Variants in FDFT1 observed in about 807,000 individuals in gnomAD.
FDFT1 encodes the protein squalene synthase.
A neutral mutation model predicts 46.8 loss-of-function variants in FDFT1; 68 were observed. The ratio of observed to expected loss-of-function variants is 1.45; its 90% confidence interval spans 1.19 to 1.78. FDFT1 has a LOEUF of 1.78. Ranked by LOEUF, FDFT1 falls within the 40% of genes most tolerant of loss-of-function variation. The probability of loss-of-function intolerance (pLI) is 0.00; values close to 1 mark genes in which losing one functional copy is unlikely to be tolerated. For synonymous variants in FDFT1, 351 were observed against 185.1 expected (o/e 1.90, Z -7.28); for missense variants, 928 against 524.4 (o/e 1.77, Z -7.52).
At chr8:11,833,373 A>G (rs867974964) in intron 7 of FDFT1, among the ~76,000 whole-genome samples, 18 of 152,222 alleles carry the variant, frequency 1.2e-4, no homozygotes, top group African/African-American at 4.1e-4. Context: ...AAGGGGTTCA[A>G]CTACCCTTTC....
chr8:11,817,504 TTTGG>T (rs1402173074), intron 3 of FDFT1, among the ~76,000 whole-genome samples: 1 of 152,208 alleles, frequency 6.6e-6, no homozygotes, highest in Non-Finnish European at 1.5e-5. Flanking sequence ...CTGGACTTTC[TTTGG>T]TTGGTAGGCT....
At chr8:11,830,807 G>C (rs1446894060) in intron 6 of FDFT1, among the ~76,000 whole-genome samples, 1 of 152,106 alleles carries the variant, frequency 6.6e-6, no homozygotes. Context: ...CCTTTTCCTA[G>C]ACCCGGCATA....
chr8:11,814,206 CAAG>C (rs1367037575), intron 3 of FDFT1, among the ~76,000 whole-genome samples: 1 of 151,294 alleles, frequency 6.6e-6, no homozygotes, highest in East Asian at 1.9e-4. Context: ...GTTTCAGCCA[CAAG>C]AAGGAATTAC....
At chr8:11,812,415 C>G (rs186801178) in intron 3 of FDFT1, among the ~76,000 whole-genome samples, 1 of 152,170 alleles carries the variant, frequency 6.6e-6, no homozygotes, top group Non-Finnish European at 1.5e-5. Context: ...CTGGGATATC[C>G]TCTCAAATGA....
intron 7 of FDFT1, among the ~76,000 whole-genome samples, chr8:11,834,581 C>A (rs1022284099): frequency 1.3e-5 from 2 of 151,474 alleles, no homozygotes; most frequent in East Asian, 2.1e-4. Context: ...AGACATCCAG[C>A]CCCCACCCAA....
rs543359319 is a variant in FDFT1 at position 11,824,385 on chromosome 8, C to G, written c.511-1639C>G. On this transcript the variant is annotated intron_variant, in intron 4 of 7. Coordinates refer to ENST00000220584, the MANE Select transcript of FDFT1 (RefSeq NM_004462.5). ...ATCTCTGTTGAGAGAGGGGAAGTTA[C>G]GTTGTCTCTAAAAGAAAAACTAAAA... 2.5e-4 allele frequency among the ~76,000 whole-genome samples: 38 copies of G among 152,244 alleles called. 1 individual carries two copies. The South Asian group carries it at 7.7e-3, about 31-fold the overall frequency.
intron 1 of FDFT1, chr8:11,796,019 AT>A (rs1351468504): frequency 6.6e-6 from 1 of 152,210 alleles, no homozygotes; most frequent in Non-Finnish European, 1.5e-5. Flanking sequence ...AAGGTGAAAG[AT>A]TGGTTTAGTT....
At chr8:11,825,059 T>C (rs1244488561) in intron 4 of FDFT1, among the ~76,000 whole-genome samples, 1 of 152,144 alleles carries the variant, frequency 6.6e-6, no homozygotes, top group African/African-American at 2.4e-5. Context: ...CTTAAAACCG[T>C]GTCAAGAACA....
chr8:11,808,332 A>G, intron 1 of FDFT1: 1 of 1,232,056 alleles, frequency 8.1e-7, no homozygotes, highest in Non-Finnish European at 1.0e-6. Context: ...GAAGGGCAAC[A>G]GCGGGAGGAG....
chr8:11,809,931 T>G (rs993816911), intron 3 of FDFT1, 81 bp downstream of exon 3: 2 of 1,083,584 alleles, frequency 1.8e-6, no homozygotes, highest in African/African-American at 3.2e-5. Flanking sequence ...TCCATACATG[T>G]GGAGAAAGGT....
At chr8:11,828,668 T>G (rs1810347970) in intron 5 of FDFT1, among the ~76,000 whole-genome samples, 1 of 152,254 alleles carries the variant, frequency 6.6e-6, no homozygotes, top group African/African-American at 2.4e-5. Flanking sequence ...GCATCATTTC[T>G]ACCACACGGT....
At chr8:11,828,689 A>G (rs1304941239) in intron 5 of FDFT1, among the ~76,000 whole-genome samples, 1 of 152,256 alleles carries the variant, frequency 6.6e-6, no homozygotes, top group Non-Finnish European at 1.5e-5. Context: ...GGTGGTGTGA[A>G]TAAAATGAGA....
rs556745409 is a variant in FDFT1, at chr8:11,837,450, T to G, written c.1033-938T>G. Among the ~76,000 whole-genome samples, 7 of 152,282 alleles carry G rather than the reference T, an allele frequency of 4.6e-5. No homozygotes were observed. In the East Asian group the frequency reaches 1.4e-3, roughly 29 times the overall value. On this transcript the variant is annotated intron_variant, in intron 7 of 7. Coordinates refer to ENST00000220584, the MANE Select transcript of FDFT1 (RefSeq NM_004462.5). ...TTTTACTGTGTTGTCCAGGCTGGTC[T>G]TAAACGCCTGAGCTTAAGCAGTCTA... is the stretch of plus-strand genomic sequence containing the variant.
intron 1 of FDFT1, among the ~76,000 whole-genome samples, chr8:11,807,549 G>A (rs1807023555): frequency 1.3e-5 from 2 of 151,726 alleles, no homozygotes; most frequent in South Asian, 2.1e-4. Flanking sequence ...ATAGGAACCC[G>A]CCGTATTTTC....
chr8:11,833,199 G>T (rs1384903062), intron 7 of FDFT1, among the ~76,000 whole-genome samples: 1 of 152,132 alleles, frequency 6.6e-6, no homozygotes, highest in Non-Finnish European at 1.5e-5. Flanking sequence ...TCTCCATTTT[G>T]CCATGTAGCC....
chr8:11,833,383 C>G (rs1811123646), intron 7 of FDFT1, among the ~76,000 whole-genome samples: 1 of 152,202 alleles, frequency 6.6e-6, no homozygotes, highest in Non-Finnish European at 1.5e-5. Flanking sequence ...ACTACCCTTT[C>G]TAAATGGAAT....
At chr8:11,817,083 CTG>C (rs908596945) in intron 3 of FDFT1, among the ~76,000 whole-genome samples, 84 of 152,198 alleles carry the variant, frequency 5.5e-4, no homozygotes, top group African/African-American at 1.9e-3. Flanking sequence ...GCATGAAAGA[CTG>C]TTGAATTTTG....
At chr8:11,802,696 G>T (rs983272006), upstream of FDFT1, 4 of 675,252 alleles carry the variant, frequency 5.9e-6, no homozygotes. Context: ...AGCGGCGGGC[G>T]GGGCGTCGCC....
intron 5 of FDFT1, among the ~76,000 whole-genome samples, chr8:11,829,653 C>A (rs1025456023): frequency 6.6e-6 from 1 of 152,084 alleles, no homozygotes; most frequent in Non-Finnish European, 1.5e-5. Flanking sequence ...TGAATTCGTC[C>A]AAGTAGTGCA....
Sources: allele counts gnomAD v4.1 joint callset (sites outside exome capture counted in the v4.1 genomes callset), GRCh38; gene constraint gnomAD v4.1.1; transcripts MANE v1.5; gene names NCBI Gene and HGNC (gene_info 2026-07-23, HGNC 2026-07-21).